The following GLT8D2 variants were observed in gnomAD, a reference collection of about 807,000 sequenced individuals.
GLT8D2 encodes the protein glycosyltransferase 8 domain containing 2.
A neutral mutation model predicts 44.5 loss-of-function variants in GLT8D2; 45 were observed. The observed-to-expected ratio is 1.01, with a 90% CI of 0.80 to 1.30. GLT8D2 has a LOEUF of 1.30. Among genes scored for constraint, GLT8D2 ranks in the 50% most tolerant of loss-of-function variants. The pLI is 0.00. For synonymous variants in GLT8D2, 156 were observed against 157.2 expected (o/e 0.99, Z 0.06); for missense variants, 400 against 430.4 (o/e 0.93, Z 0.62).
At position 103,996,763 on chromosome 12, in the gene GLT8D2, T is replaced by G; in HGVS notation, c.572A>C (p.Gln191Pro). The G allele has an allele frequency of 6.2e-7, 1 of 1,614,024 alleles. No homozygotes were observed. Among genetic ancestry groups the G allele is most frequent in the Non-Finnish European group, 8.5e-7 (1 of 1,179,890 alleles). The change falls in exon 8 of 11, where the codon CAG becomes CCG. Residue 191 changes from glutamine (Q) to proline (P), a missense_variant. Physicochemically the swap from Gln to Pro is moderately conservative, Grantham distance 76. Coordinates refer to ENST00000360814, the MANE Select transcript of GLT8D2 (RefSeq NM_001384711.1). ...FSDDCDLPSA[Q>P]DINRLVGLQN... ...AAGTCCCACGAGTCTGTTTATGTCCTGAGCAGAGGGCAAATCGCAGTCATC... is the reference window on the plus strand; with the variant it reads ...AAGTCCCACGAGTCTGTTTATGTCCGGAGCAGAGGGCAAATCGCAGTCATC...
chr12:104,052,404 A>T (rs761729401), upstream of GLT8D2, among the ~76,000 whole-genome samples: 7 of 152,244 alleles, frequency 4.6e-5, no homozygotes, highest in Non-Finnish European at 1.0e-4. Context: ...CAATTTACAG[A>T]TGAGCAAACT....
intron 1 of GLT8D2, among the ~76,000 whole-genome samples, chr12:104,060,749 C>G (rs1905849): frequency 0.17 from 25,791 of 151,902 alleles, 3,235 homozygotes; most frequent in African/African-American, 0.35. Context: ...ATGGTAAAAC[C>G]TCATCTCTAG....
intron 1 of GLT8D2, among the ~76,000 whole-genome samples, chr12:104,026,397 C>T (rs778334744): frequency 5.9e-5 from 9 of 152,150 alleles, no homozygotes; most frequent in East Asian, 1.9e-4. Flanking sequence ...AATTCTAATT[C>T]GATCTTTGCT....
intron 10 of GLT8D2, among the ~76,000 whole-genome samples, chr12:103,991,347 C>G (rs755848530): frequency 8.5e-5 from 13 of 152,106 alleles, no homozygotes; most frequent in African/African-American, 3.1e-4. Flanking sequence ...CCACCATGCC[C>G]AGCTAATTTT....
intron 1 of GLT8D2, among the ~76,000 whole-genome samples, chr12:104,039,301 T>A (rs1199141766): frequency 6.6e-6 from 1 of 152,172 alleles, no homozygotes; most frequent in East Asian, 1.9e-4. Context: ...AAATGGGATC[T>A]AATTAAACTA....
intron 3 of GLT8D2, among the ~76,000 whole-genome samples, chr12:104,015,393 A>C (rs141368200): frequency 6.3e-5 from 8 of 126,092 alleles, no homozygotes; most frequent in East Asian, 2.3e-4. Context: ...AACAACAACA[A>C]ACACACACAC....
chr12:104,035,177 G>C (rs999895870), intron 1 of GLT8D2, among the ~76,000 whole-genome samples: 1 of 152,218 alleles, frequency 6.6e-6, no homozygotes, highest in African/African-American at 2.4e-5. Context: ...CAACATCAAA[G>C]ACCAAAGGTA....
intron 1 of GLT8D2, chr12:104,029,896 G>A (rs1341020353): frequency 6.6e-6 from 1 of 151,916 alleles, no homozygotes; most frequent in African/African-American, 2.4e-5. Flanking sequence ...AATCAACATT[G>A]TCAAAATGTC....
intron 1 of GLT8D2, among the ~76,000 whole-genome samples, chr12:104,055,796 G>C (rs1031757502): frequency 6.6e-6 from 1 of 152,196 alleles, no homozygotes; most frequent in African/African-American, 2.4e-5. Flanking sequence ...TAAGTCTTCT[G>C]TAGTAGTACA....
chr12:104,050,602 C>T (rs533747900), upstream of GLT8D2, among the ~76,000 whole-genome samples: 10 of 152,206 alleles, frequency 6.6e-5, no homozygotes, highest in African/African-American at 2.4e-4. Context: ...GAGCTGGGAG[C>T]TGACCTCAAC....
chr12:103,999,862 G>A (rs572232546), intron 5 of GLT8D2, among the ~76,000 whole-genome samples: 38 of 152,148 alleles, frequency 2.5e-4, no homozygotes, highest in Non-Finnish European at 4.1e-4. Context: ...TCTTCGCCAC[G>A]TGGTAACAGC....
chr12:104,036,194 C>A (rs1221115735), intron 1 of GLT8D2, among the ~76,000 whole-genome samples: 2 of 152,200 alleles, frequency 1.3e-5, no homozygotes, highest in African/African-American at 4.8e-5. Flanking sequence ...CAGTATCAAC[C>A]ACTGCAAAAA....
At chr12:103,993,689 A>G (rs897805847) in intron 9 of GLT8D2, among the ~76,000 whole-genome samples, 185 bp from the exon 10 acceptor site, 9 of 152,246 alleles carry the variant, frequency 5.9e-5, no homozygotes, top group Non-Finnish European at 8.8e-5. Flanking sequence ...TAAGAATACC[A>G]TGAACTCCTA....
chr12:103,999,177 T>C (rs1458557645), intron 6 of GLT8D2, among the ~76,000 whole-genome samples: 1 of 152,228 alleles, frequency 6.6e-6, no homozygotes, highest in African/African-American at 2.4e-5. Context: ...TTTTTAATGC[T>C]TCACTTCTTC....
intron 6 of GLT8D2, among the ~76,000 whole-genome samples, chr12:103,998,504 G>T (rs886399064): frequency 3.3e-5 from 5 of 152,072 alleles, no homozygotes; most frequent in Non-Finnish European, 7.4e-5. Context: ...CCACCTCCCG[G>T]GTTCAAGCGA....
intron 10 of GLT8D2, among the ~76,000 whole-genome samples, chr12:103,990,539 G>A (rs2700494): frequency 0.9 from 136,813 of 152,126 alleles, 61,592 homozygotes; most frequent in East Asian, 1. Context: ...TATAGTGTTC[G>A]ACTTTCTTTC....
chr12:103,997,188 C>T (rs754167024), intron 7 of GLT8D2, among the ~76,000 whole-genome samples: 2 of 152,172 alleles, frequency 1.3e-5, no homozygotes, highest in Non-Finnish European at 2.9e-5. Flanking sequence ...ACTTTATTTC[C>T]GTACATTATA....
chr12:104,022,044 G>A lies in GLT8D2; in HGVS notation c.-163-553C>T, dbSNP rs867865122. 5.1e-5 allele frequency among the ~76,000 whole-genome samples: 5 copies of A among 98,286 alleles called. 1 individual carries two copies. The highest frequency in any genetic ancestry group is 2.5e-4 in the African/African-American group (5 of 20,350). 64.5% of individuals were successfully genotyped at this position (98,286 alleles called of 152,430 possible). On this transcript the variant is annotated intron_variant, in intron 1 of 10. Coordinates refer to ENST00000360814, the MANE Select transcript of GLT8D2 (RefSeq NM_001384711.1). ...AGAAAAAGAAGAAGAAGAAGAAGAA[G>A]AAGAAGAAGAAGGGAAAGAAAGAAA...
chr12:104,064,111 C>T lies in GLT8D2; in HGVS notation c.-585G>A, dbSNP rs1882940261. ...CGCGAGGCAGGCTCCCGCCCGCACC[C>T]TCCCGTGCGAGGTCCCCGCCCTGCG... On this transcript the variant is annotated 5_prime_UTR_variant, in exon 1 of 11. Coordinates refer to the GLT8D2 transcript ENST00000548660. The surrounding 1 kb of genome is among the most constrained non-coding windows in gnomAD (Gnocchi z 7.3). The T allele has an allele frequency of 6.5e-6, 1 of 152,806 alleles. No homozygotes were observed. The highest frequency in any genetic ancestry group is 2.1e-4 in the South Asian group (1 of 4,858). 9.5% of individuals were successfully genotyped at this position (152,806 alleles called of 1,614,324 possible).
Sources: allele counts gnomAD v4.1 joint callset (sites outside exome capture counted in the v4.1 genomes callset), GRCh38; gene constraint gnomAD v4.1.1; non-coding constraint Gnocchi (gnomAD v3.1); transcripts MANE v1.5; gene names NCBI Gene and HGNC (gene_info 2026-07-23, HGNC 2026-07-21).